Variants in TMEM123 observed in about 807,000 individuals in gnomAD.
TMEM123 encodes the protein transmembrane protein 123.
A neutral mutation model predicts 19.7 loss-of-function variants in TMEM123; 16 were observed. The observed-to-expected ratio is 0.81, with a 90% CI of 0.55 to 1.23. TMEM123 has a LOEUF of 1.23. TMEM123 is among the 50% of genes most tolerant of loss of function. The pLI is 0.00. For missense variants in TMEM123, 313 were observed against 257.8 expected (o/e 1.21, Z -1.47); for synonymous variants, 118 against 99.4 (o/e 1.19, Z -1.12).
intron 2 of TMEM123, among the ~76,000 whole-genome samples, chr11:102,443,553 G>T (rs1346820544): frequency 6.6e-6 from 1 of 152,166 alleles, no homozygotes; most frequent in African/African-American, 2.4e-5. Context: ...ATTCGAGATG[G>T]ATTAAAGACT....
intron 1 of TMEM123, among the ~76,000 whole-genome samples, chr11:102,450,081 C>G (rs1269988833): frequency 1.3e-5 from 2 of 152,184 alleles, no homozygotes; most frequent in African/African-American, 4.8e-5. Context: ...ATCCCACCCT[C>G]CAATCCATCA....
chr11:102,450,562 T>C (rs1282954196), intron 1 of TMEM123, among the ~76,000 whole-genome samples: 1 of 152,244 alleles, frequency 6.6e-6, no homozygotes, highest in African/African-American at 2.4e-5. Flanking sequence ...AATGTTTTTA[T>C]CTTCTCCCAC....
chr11:102,412,051 T>C (rs535563637), intron 2 of TMEM123, among the ~76,000 whole-genome samples: 54 of 152,334 alleles, frequency 3.5e-4, no homozygotes, highest in African/African-American at 1.3e-3. Flanking sequence ...TTCAGGTGCC[T>C]GGGCTGCTTC....
Position 102,402,038 on chromosome 11 carries a change from G to T in TMEM123, c.326C>A (p.Ser109Tyr), listed in dbSNP as rs767854545. 2 of 1,613,870 alleles carry T rather than the reference G, an allele frequency of 1.2e-6. No individual in the cohort carries two copies. The highest frequency in any genetic ancestry group is 1.3e-5 in the African/African-American group (1 of 74,858). ...TTTGGGTGTAGACTTTAAGGTGGTA[G>T]AAGTCATATTTGTTGAGACCATCCC... ...TPGMVSTNMT[S>Y]TTLKSTPKTT... The change falls in exon 3 of 5, where the codon TCT becomes TAT. Residue 109 changes from serine (S) to tyrosine (Y), a missense_variant. Ser to Tyr is a moderately radical substitution (Grantham distance 144, BLOSUM62 -2). Transcript: ENST00000398136.
At chr11:102,448,710 A>G in intron 2 of TMEM123, 102 bp downstream of exon 2, 1 of 1,126,492 alleles carries the variant, frequency 8.9e-7, no homozygotes, top group Non-Finnish European at 1.3e-6. Context: ...ACTCAGGGTT[A>G]AAACAGGTCA....
At chr11:102,399,752 C>T (rs1047350327) in intron 4 of TMEM123, among the ~76,000 whole-genome samples, 1 of 152,022 alleles carries the variant, frequency 6.6e-6, no homozygotes, top group Admixed American at 6.5e-5. Context: ...GGAGGATCAC[C>T]TAAGGTCAGG....
chr11:102,437,961 C>G (rs1857781982), intron 2 of TMEM123, among the ~76,000 whole-genome samples: 1 of 152,142 alleles, frequency 6.6e-6, no homozygotes, highest in African/African-American at 2.4e-5. Context: ...GAGAGGGCTT[C>G]CCTGACCAAC....
At chr11:102,439,720 A>C (rs1471048907) in intron 2 of TMEM123, among the ~76,000 whole-genome samples, 3 of 152,226 alleles carry the variant, frequency 2.0e-5, no homozygotes, top group Non-Finnish European at 1.5e-5. Flanking sequence ...TGAGAGAAGA[A>C]GGCTTCAGAC....
intron 2 of TMEM123, among the ~76,000 whole-genome samples, chr11:102,418,664 T>C (rs1952060312): frequency 6.6e-6 from 1 of 152,222 alleles, no homozygotes; most frequent in African/African-American, 2.4e-5. Context: ...TTACTGGGTA[T>C]ATACCCAAAA....
chr11:102,402,350 T>C (rs1951921286), intron 2 of TMEM123, 144 bp from the exon 3 acceptor site: 1 of 733,702 alleles, frequency 1.4e-6, no homozygotes, highest in South Asian at 2.1e-5. Context: ...ATTAATACTT[T>C]GCACTATACT....
At chr11:102,418,323 C>T (rs59816176) in intron 2 of TMEM123, among the ~76,000 whole-genome samples, 2,272 of 152,072 alleles carry the variant, frequency 0.015, 52 homozygotes, top group African/African-American at 0.052. Flanking sequence ...CTATAAGAAA[C>T]TTAAATGAAC....
At chr11:102,429,852 C>T (rs1565353048) in intron 2 of TMEM123, among the ~76,000 whole-genome samples, 2 of 152,218 alleles carry the variant, frequency 1.3e-5, no homozygotes, top group Admixed American at 6.5e-5. Flanking sequence ...ACTTTTATTA[C>T]CCTCTTTTAT....
chr11:102,400,108 A>G (rs1951898450), intron 4 of TMEM123, among the ~76,000 whole-genome samples: 1 of 152,230 alleles, frequency 6.6e-6, no homozygotes, highest in Non-Finnish European at 1.5e-5. Context: ...GGAAACTTCC[A>G]TGTTCTTAAA....
intron 2 of TMEM123, among the ~76,000 whole-genome samples, chr11:102,406,689 G>A (rs748397653): frequency 4.6e-5 from 7 of 152,008 alleles, no homozygotes; most frequent in Non-Finnish European, 1.0e-4. Flanking sequence ...GGCTAACACA[G>A]TGAAACCCCG....
intron 2 of TMEM123, among the ~76,000 whole-genome samples, chr11:102,420,099 C>A (rs962653536): frequency 2.6e-5 from 4 of 152,104 alleles, no homozygotes; most frequent in Non-Finnish European, 5.9e-5. Flanking sequence ...GGAGTTAAGA[C>A]ACTCTGTCTT....
intron 4 of TMEM123, among the ~76,000 whole-genome samples, chr11:102,399,653 A>G (rs557580037): frequency 6.0e-4 from 92 of 152,350 alleles, no homozygotes; most frequent in African/African-American, 2.0e-3. Context: ...TATGCAACGT[A>G]ACTTTAAATA....
intron 1 of TMEM123, chr11:102,449,245 G>A (rs989333862): frequency 2.2e-5 from 4 of 184,868 alleles, no homozygotes; most frequent in Admixed American, 1.6e-4. Flanking sequence ...AGGAGAGGCC[G>A]ATTCTACTCA....
At position 102,398,030 on chromosome 11, in the gene TMEM123, G is replaced by A. The variant is rs1364988722; in HGVS notation, c.*837C>T. ...AAATGAACTAAAGTAACTTCCAGTG[G>A]TGACAATATTCTCACAGTAGCAAAT... On this transcript the variant is annotated 3_prime_UTR_variant, in exon 5 of 5. Coordinates refer to ENST00000398136, the MANE Select transcript of TMEM123 (RefSeq NM_052932.3). The A allele has an allele frequency of 6.6e-6, 1 of 152,152 alleles. No individual in the cohort carries two copies. 9.4% of individuals were successfully genotyped at this position (152,152 alleles called of 1,614,324 possible). A position where few individuals can be genotyped will look rare whatever the true frequency, so the allele number is the denominator to read the frequency against.
At chr11:102,443,408 T>C (rs957764221) in intron 2 of TMEM123, among the ~76,000 whole-genome samples, 3 of 152,200 alleles carry the variant, frequency 2.0e-5, no homozygotes, top group African/African-American at 7.2e-5. Flanking sequence ...TACAACCATC[T>C]GATCTTTGAC....
Sources: allele counts gnomAD v4.1 joint callset (sites outside exome capture counted in the v4.1 genomes callset), GRCh38; gene constraint gnomAD v4.1.1; transcripts MANE v1.5; gene names NCBI Gene and HGNC (gene_info 2026-07-23, HGNC 2026-07-21).